Variants in MFAP3L observed in about 807,000 individuals in gnomAD.
The protein encoded by MFAP3L is microfibrillar-associated protein 3-like.
A neutral mutation model predicts 20.0 loss-of-function variants in MFAP3L; 5 were observed. That is an observed-to-expected ratio of 0.25 (90% CI 0.13 to 0.53). MFAP3L has a LOEUF of 0.53. MFAP3L is among the 20% of genes least tolerant of loss of function. The pLI is 0.96. For missense variants in MFAP3L, 409 were observed against 527.5 expected, an observed-to-expected ratio of 0.78 and a Z score of 2.20; for synonymous variants, 219 against 213.0, an observed-to-expected ratio of 1.03 and a Z score of -0.25.
At chr4:170,009,224 A>G (rs1739226332) in intron 1 of MFAP3L, among the ~76,000 whole-genome samples, 1 of 151,906 alleles carries the variant, frequency 6.6e-6, no homozygotes, top group South Asian at 2.1e-4. Flanking sequence ...CTCTACTAAA[A>G]ATACAAAAAT....
At chr4:170,015,314 C>T (rs1739629690) in intron 1 of MFAP3L, among the ~76,000 whole-genome samples, 1 of 152,156 alleles carries the variant, frequency 6.6e-6, no homozygotes, top group Non-Finnish European at 1.5e-5. Context: ...ATAGTATGAT[C>T]ATGACAACCA....
Position 169,994,118 on chromosome 4 carries a change from CTGAT to C in MFAP3L, c.299-1813_299-1810del, listed in dbSNP as rs1224418534. The C allele has an allele frequency of 7.4e-6, 7 of 949,284 alleles. No homozygotes were observed. In the African/African-American group the frequency reaches 8.9e-5, roughly 12 times the overall value. 58.8% of individuals were successfully genotyped at this position (949,284 alleles called of 1,614,324 possible). ...GGACAAAAACAGAACAAAAGTCTAA[CTGAT>C]TGAAAGCTTATTCCATAGAGAAGAC... On this transcript the variant is annotated intron_variant, in intron 2 of 2. Transcript: ENST00000361618.
intron 1 of MFAP3L, among the ~76,000 whole-genome samples, chr4:170,025,988 G>C (rs906378365): frequency 3.3e-5 from 5 of 152,192 alleles, no homozygotes; most frequent in East Asian, 3.9e-4. Flanking sequence ...TACGGTTCGA[G>C]CCCAGGATGC....
chr4:170,005,209 A>G (rs762669883), intron 2 of MFAP3L: 37 of 257,158 alleles, frequency 1.4e-4, no homozygotes, highest in Non-Finnish European at 2.3e-4. Context: ...ATGATAAACA[A>G]TGGCTATATT....
At chr4:169,994,545 G>C (rs1216840678) in intron 2 of MFAP3L, 8 of 975,154 alleles carry the variant, frequency 8.2e-6, no homozygotes, top group Non-Finnish European at 9.7e-6. Context: ...AAATGTTTCT[G>C]AACGTGAACT....
rs961217869 is a variant in MFAP3L, at chr4:169,998,595, GA to G, written c.299-6287del. 6.6e-4 allele frequency among the ~76,000 whole-genome samples: 98 copies of G among 147,766 alleles called. No homozygotes were observed. The East Asian group carries it at 9.1e-3, about 14-fold the overall frequency. Reference sequence around the variant, plus strand: ...CATTTTCAACTTGAGAAAGCTGACTGAAAAAAAAAAATTATACCCAAATGCT... The same window carrying G: ...CATTTTCAACTTGAGAAAGCTGACTGAAAAAAAAAATTATACCCAAATGCT... On this transcript the variant is annotated intron_variant, in intron 2 of 2. Transcript: ENST00000361618.
chr4:170,001,638 ATAGT>A (rs1432033390), intron 2 of MFAP3L, among the ~76,000 whole-genome samples: 5 of 152,204 alleles, frequency 3.3e-5, no homozygotes, highest in Non-Finnish European at 5.9e-5. Context: ...AGTGCCTGAA[ATAGT>A]TAGGACTTAA....
intron 1 of MFAP3L, among the ~76,000 whole-genome samples, chr4:170,015,649 C>T (rs1487000305): frequency 6.6e-6 from 1 of 152,080 alleles, no homozygotes; most frequent in Non-Finnish European, 1.5e-5. Context: ...CTCCAGATGC[C>T]CTCATCTCAC....
chr4:169,991,715 G>A lies in MFAP3L; in HGVS notation c.893C>T (p.Ser298Phe), dbSNP rs546376627. Residue 298 changes from serine to phenylalanine, a missense_variant, in exon 3 of 3, where the codon TCC (serine) becomes TTC (phenylalanine). By Grantham distance (155) the Ser-to-Phe change is radical. Transcript: ENST00000361618. The surrounding 1 kb of genome is among the most constrained non-coding windows in gnomAD (Gnocchi z 4.9). ...TIPNSLKRSDSPAADSDASSL... is the reference protein window; with the variant it reads ...TIPNSLKRSDFPAADSDASSL... ...TGAGGCGTCCGAGTCAGCGGCAGGG[G>A]AGTCGCTCCGCTTCAGAGAGTTGGG... 10 of 1,614,038 alleles carry A rather than the reference G, an allele frequency of 6.2e-6. No individual in the cohort carries two copies. The African/African-American group carries it at 1.2e-4, about 19-fold the overall frequency.
upstream of MFAP3L, chr4:170,027,156 G>T (rs1316181471): frequency 6.7e-6 from 1 of 150,364 alleles, no homozygotes; most frequent in Admixed American, 6.6e-5. Flanking sequence ...AAATTATTAA[G>T]TACCTACAGA....
chr4:170,015,348 G>T (rs914041442), intron 1 of MFAP3L, among the ~76,000 whole-genome samples: 6 of 152,152 alleles, frequency 3.9e-5, no homozygotes, highest in African/African-American at 1.4e-4. Flanking sequence ...GGTTGGAAAA[G>T]GGAAGAAACG....
chr4:170,011,043 T>C (rs1339052785), intron 1 of MFAP3L, among the ~76,000 whole-genome samples: 1 of 152,162 alleles, frequency 6.6e-6, no homozygotes, highest in Non-Finnish European at 1.5e-5. Context: ...TCTCACGAGA[T>C]CTAACGGTTT....
intron 1 of MFAP3L, among the ~76,000 whole-genome samples, chr4:170,023,937 T>C (rs984245860): frequency 6.6e-6 from 1 of 152,174 alleles, no homozygotes; most frequent in Non-Finnish European, 1.5e-5. Flanking sequence ...AGATCTATTT[T>C]TAAAGGGAGT....
chr4:169,999,893 C>T (rs78843217), intron 2 of MFAP3L, among the ~76,000 whole-genome samples: 2,486 of 152,174 alleles, frequency 0.016, 79 homozygotes, highest in African/African-American at 0.056. Context: ...ATTTGGGGCT[C>T]GATAATTATT....
At chr4:169,997,336 C>T (rs1738251192) in intron 2 of MFAP3L, among the ~76,000 whole-genome samples, 1 of 149,694 alleles carries the variant, frequency 6.7e-6, no homozygotes, top group South Asian at 2.1e-4. Flanking sequence ...CAGATTTCCC[C>T]TAAATTAATT....
chr4:170,021,044 A>G (rs1740004217), intron 1 of MFAP3L, among the ~76,000 whole-genome samples: 2 of 152,114 alleles, frequency 1.3e-5, no homozygotes, highest in South Asian at 4.1e-4. Flanking sequence ...GTCACCCGGA[A>G]AGAACACAGA....
chr4:169,994,373 G>C, intron 2 of MFAP3L: 1 of 985,082 alleles, frequency 1.0e-6, no homozygotes, highest in Non-Finnish European at 1.2e-6. Flanking sequence ...GTACAGAAGA[G>C]GAGAACACTA....
At chr4:170,021,049 C>G (rs568616264) in intron 1 of MFAP3L, among the ~76,000 whole-genome samples, 1 of 151,914 alleles carries the variant, frequency 6.6e-6, no homozygotes, top group African/African-American at 2.4e-5. Context: ...CCGGAAAGAA[C>G]ACAGAGGGCC....
chr4:170,023,009 G>C (rs6831419), intron 1 of MFAP3L, among the ~76,000 whole-genome samples: 9,470 of 152,276 alleles, frequency 0.062, 410 homozygotes, highest in Non-Finnish European at 0.094. Context: ...GACACCTTTG[G>C]TGGGGGGCAT....
Sources: allele counts gnomAD v4.1 joint callset (sites outside exome capture counted in the v4.1 genomes callset), GRCh38; gene constraint gnomAD v4.1.1; non-coding constraint Gnocchi (gnomAD v3.1); transcripts MANE v1.5; gene names NCBI Gene and HGNC (gene_info 2026-07-23, HGNC 2026-07-21).